Variants in CCDC62 observed in about 807,000 individuals in gnomAD.
CCDC62 encodes the protein coiled-coil domain-containing protein 62.
In CCDC62, 72 loss-of-function variants were observed where a neutral mutation model predicts 80.8. The ratio of observed to expected loss-of-function variants is 0.89; its 90% CI spans 0.74 to 1.08. CCDC62 has a LOEUF of 1.08. Among genes scored for constraint, CCDC62 ranks in the 50% least tolerant of loss-of-function variants. The pLI is 0.00. For synonymous variants in CCDC62, 286 were observed against 296.5 expected, an observed-to-expected ratio of 0.96 and a Z score of 0.36; for missense variants, 704 against 809.4, an observed-to-expected ratio of 0.87 and a Z score of 1.58.
At position 122,817,218 on chromosome 12, in the gene CCDC62, A is replaced by ATTT. The variant is rs71085859; in HGVS notation, c.2001+3812_2001+3814dup. ...AGGCACCCGCCACCACGCCTAGCTA[A>ATTT]TTTTTTTTTTTTTTTGGATTTTTAG... On this transcript the variant is annotated intron_variant, in intron 11 of 12. Coordinates refer to ENST00000253079, the MANE Select transcript of CCDC62 (RefSeq NM_201435.5). Among the ~76,000 whole-genome samples, 2 of 134,264 alleles carry ATTT rather than the reference A, an allele frequency of 1.5e-5. 1 individual carries two copies. Among genetic ancestry groups the ATTT allele is most frequent in the African/African-American group, 6.0e-5 (2 of 33,516 alleles). The allele number at this position is 134,264 out of a possible 152,430, so 88.1% of individuals were successfully genotyped here.
At chr12:122,788,364 G>C (rs2030395686) in intron 4 of CCDC62, among the ~76,000 whole-genome samples, 2 of 152,158 alleles carry the variant, frequency 1.3e-5, no homozygotes, top group African/African-American at 4.8e-5. Flanking sequence ...TAATCCAGAG[G>C]ACGATTTTCC....
intron 12 of CCDC62, 95 bp downstream of exon 12, chr12:122,823,554 G>A (rs1406129846): frequency 3.0e-6 from 2 of 670,634 alleles, no homozygotes; most frequent in Non-Finnish European, 5.3e-6. Flanking sequence ...CCATGCATTT[G>A]TTTGACTTGT....
chr12:122,787,384 G>C (rs1428453791), intron 4 of CCDC62, among the ~76,000 whole-genome samples: 1 of 151,774 alleles, frequency 6.6e-6, no homozygotes, highest in Non-Finnish European at 1.5e-5. Flanking sequence ...CCGGGAGGTG[G>C]AGGTTGCAGT....
rs950781734 is a variant in CCDC62, at chr12:122,811,369, G to A, written c.1852-1901G>A. ...TGGGATTACAGGCATGTGCCACCAC[G>A]CCCGGCTAATTTTGTATTTTTAGTA... On this transcript the variant is annotated intron_variant, in intron 10 of 12. Coordinates refer to ENST00000253079, the MANE Select transcript of CCDC62 (RefSeq NM_201435.5). Among the ~76,000 whole-genome samples the A allele has an allele frequency of 3.3e-3, 504 of 150,810 alleles. 5 individuals are homozygous for A. The highest frequency in any genetic ancestry group is 0.011 in the African/African-American group (465 of 41,312).
At chr12:122,795,636 G>A (rs993945244) in intron 6 of CCDC62, among the ~76,000 whole-genome samples, 1 of 152,026 alleles carries the variant, frequency 6.6e-6, no homozygotes, top group Non-Finnish European at 1.5e-5. Flanking sequence ...GTGTTAGCCA[G>A]GATGGTCTTG....
intron 10 of CCDC62, among the ~76,000 whole-genome samples, chr12:122,808,248 G>A (rs1261438456): frequency 2.0e-5 from 3 of 152,096 alleles, no homozygotes. Flanking sequence ...AGTGAACCAA[G>A]ATCGTGCTAC....
chr12:122,813,297 G>T lies in CCDC62; in HGVS notation c.1879G>T (p.Asp627Tyr), dbSNP rs1305031182. ...KASIVLPSQDDFSPTSKLQRL... is the reference protein window; with the variant it reads ...KASIVLPSQDYFSPTSKLQRL... ...TTCAATTGTGTTACCCTCCCAGGAT[G>T]ATTTCTCGCCCACGAGCAAGCTCCA... Residue 627 changes from aspartate to tyrosine, a missense_variant, in exon 11 of 13, where the codon GAT (aspartate) becomes TAT (tyrosine). Coordinates refer to ENST00000253079, the MANE Select transcript of CCDC62 (RefSeq NM_201435.5). 1 of 1,613,054 alleles carries T rather than the reference G, an allele frequency of 6.2e-7. No individual in the cohort carries two copies. Among genetic ancestry groups the T allele is most frequent in the Non-Finnish European group, 8.5e-7 (1 of 1,179,524 alleles).
chr12:122,789,396 C>T (rs1040216091), intron 5 of CCDC62, among the ~76,000 whole-genome samples: 2 of 152,182 alleles, frequency 1.3e-5, no homozygotes, highest in African/African-American at 4.8e-5. Flanking sequence ...ATGGTGAGGG[C>T]AGAAACTTCT....
In CCDC62 at chr12:122,792,108, ATTGCTT is replaced by A; in HGVS notation, c.762_767del (p.Leu254_Leu255del). On this transcript the variant is annotated inframe_deletion, in exon 6 of 13. Transcript: ENST00000253079. ...AAGAGAAAAGTTGCCTGCACGATGA[ATTGCTT>A]TTTACTGGTAAAACAGATGATCGAA... 6.2e-7 allele frequency: 1 copy of A among 1,604,294 alleles called. No homozygotes were observed. Among genetic ancestry groups the A allele is most frequent in the Non-Finnish European group, 8.5e-7 (1 of 1,171,270 alleles).
intron 4 of CCDC62, among the ~76,000 whole-genome samples, chr12:122,787,409 C>G (rs2030323145): frequency 6.7e-6 from 1 of 150,004 alleles, no homozygotes. Context: ...TGAGATTGCA[C>G]CACTGCACTC....
intron 11 of CCDC62, among the ~76,000 whole-genome samples, chr12:122,822,060 A>AACACACACACACACACACACACACAC (rs58108370): frequency 8.6e-6 from 1 of 115,764 alleles, no homozygotes; most frequent in Admixed American, 1.1e-4. Flanking sequence ...TATAAATTTA[A>AACACACACACACACACACACACACAC]ACACACACAC....
At position 122,806,231 on chromosome 12, in the gene CCDC62, C is replaced by T; in HGVS notation, c.1787C>T (p.Ser596Phe). ...AGAGAAGATGAGACGGAGTCCTCTT[C>T]CAATAAAAAGAACTCACCTACGAGT... Reference protein sequence around the residue: ...ALREDETESSSNKKNSPTSLL... With the variant: ...ALREDETESSFNKKNSPTSLL... The change falls in exon 10 of 13, where the codon TCC becomes TTC. Residue 596 changes from serine (S) to phenylalanine (F), a missense_variant. Physicochemically the swap from Ser to Phe is radical, Grantham distance 155. Transcript: ENST00000253079. 1.9e-6 allele frequency: 3 copies of T among 1,613,706 alleles called. No individual in the cohort carries two copies. Among genetic ancestry groups the T allele is most frequent in the Non-Finnish European group, 2.5e-6 (3 of 1,179,740 alleles).
At chr12:122,820,061 C>CA (rs34620795) in intron 11 of CCDC62, among the ~76,000 whole-genome samples, 2,087 of 58,106 alleles carry the variant, frequency 0.036, 320 homozygotes, top group African/African-American at 0.15. Flanking sequence ...GATCCTGTCT[C>CA]AAAAAAAAAA....
At chr12:122,782,841 C>G (rs1297726266) in intron 3 of CCDC62, among the ~76,000 whole-genome samples, 1 of 151,574 alleles carries the variant, frequency 6.6e-6, no homozygotes, top group Non-Finnish European at 1.5e-5. Flanking sequence ...GGCATGGTGG[C>G]TCACACCTAT....
At chr12:122,812,767 GAGAGAGAGAGAGAAAGAAAGAA>G (rs1403922828) in intron 10 of CCDC62, among the ~76,000 whole-genome samples, 1,090 of 88,132 alleles carry the variant, frequency 0.012, 33 homozygotes, top group African/African-American at 0.051. Context: ...GAGAGAGAGA[GAGAGAGAGAGAGAAAGAAAGAA>G]AGAAAGAAAG....
In CCDC62 at chr12:122,823,347, T is replaced by G. The variant is rs777432618; in HGVS notation, c.2002-19T>G. ...TTAGTTTCTCTATCCTGAATACTAATCTGGGAGTTGTTTTCTAGAAGTCAG... is the reference window on the plus strand; with the variant it reads ...TTAGTTTCTCTATCCTGAATACTAAGCTGGGAGTTGTTTTCTAGAAGTCAG... On this transcript the variant is annotated intron_variant, in intron 11 of 12. Coordinates refer to ENST00000253079, the MANE Select transcript of CCDC62 (RefSeq NM_201435.5). The G allele has an allele frequency of 2.5e-6, 4 of 1,596,180 alleles. No individual in the cohort carries two copies. Among genetic ancestry groups the G allele is most frequent in the Non-Finnish European group, 2.6e-6 (3 of 1,163,910 alleles).
intron 7 of CCDC62, among the ~76,000 whole-genome samples, chr12:122,797,733 G>T (rs2031046522): frequency 1.3e-5 from 2 of 151,852 alleles, no homozygotes; most frequent in Admixed American, 1.3e-4. Flanking sequence ...GTAGAGACAG[G>T]GTTTTACTGT....
At chr12:122,813,147 T>C (rs1042145922) in intron 10 of CCDC62, 123 bp from the exon 11 acceptor site, 5 of 973,964 alleles carry the variant, frequency 5.1e-6, no homozygotes, top group Non-Finnish European at 7.5e-6. Flanking sequence ...GCTGTGATTG[T>C]GCCACTGCAC....
intron 10 of CCDC62, among the ~76,000 whole-genome samples, chr12:122,809,605 G>A (rs530869149): frequency 3.3e-4 from 51 of 152,366 alleles, no homozygotes; most frequent in Non-Finnish European, 4.9e-4. Flanking sequence ...GGTCAACATG[G>A]TGAAACACCA....
Sources: gnomAD v4.1 joint callset for allele counts (sites outside exome capture counted in the v4.1 genomes callset) on GRCh38, gnomAD v4.1.1 for gene constraint, MANE v1.5 for transcripts, NCBI Gene and HGNC (gene_info 2026-07-23, HGNC 2026-07-21) for gene names.